GPM6B: variants seen among roughly 807,000 people sequenced by gnomAD.
The protein encoded by GPM6B is glycoprotein M6B, also known as neuronal membrane glycoprotein M6-b.
GPM6B carries 4 observed loss-of-function variants against 27.2 expected under a neutral mutation model. The ratio of observed to expected loss-of-function variants is 0.15; its 90% confidence interval spans 0.07 to 0.34. GPM6B has a LOEUF of 0.34. GPM6B is among the 10% of genes least tolerant of loss of function. The pLI, the probability that GPM6B is intolerant of heterozygous loss-of-function variation, is 1.00. For missense variants in GPM6B, 183 were observed against 261.9 expected, an observed-to-expected ratio of 0.70 and a Z score of 2.08; for synonymous variants, 124 against 103.1, an observed-to-expected ratio of 1.20 and a Z score of -1.23.
intron 1 of GPM6B, among the ~76,000 whole-genome samples, chrX:13,920,124 G>A (rs1160792090): frequency 1.8e-5 from 2 of 108,980 alleles, no homozygotes; most frequent in Non-Finnish European, 3.8e-5. Context: ...CTAGCCAGGC[G>A]TGGTGGCACG....
chrX:13,898,714 GTGTGCTC>G (rs1450526190), intron 1 of GPM6B, among the ~76,000 whole-genome samples: 7 of 112,236 alleles, frequency 6.2e-5, no homozygotes, highest in African/African-American at 2.3e-4. Context: ...TTGGTTTGAT[GTGTGCTC>G]TTTATTTCTT....
At chrX:13,824,209 T>A (rs1013437756) in intron 1 of GPM6B, among the ~76,000 whole-genome samples, 1 of 111,936 alleles carries the variant, frequency 8.9e-6, no homozygotes, top group Non-Finnish European at 1.9e-5. Context: ...CCTAAAATGT[T>A]TCTAAACACT....
chrX:13,929,918 T>C (rs1921400981), intron 1 of GPM6B, among the ~76,000 whole-genome samples: 2 of 111,809 alleles, frequency 1.8e-5, no homozygotes, highest in South Asian at 3.7e-4. Context: ...AAGAAGAAAA[T>C]AGAATTTAAC....
intron 1 of GPM6B, among the ~76,000 whole-genome samples, chrX:13,828,247 A>T (rs1288511683): frequency 2.7e-5 from 3 of 111,617 alleles, no homozygotes; most frequent in Non-Finnish European, 5.7e-5. Flanking sequence ...TTAAGAGGTG[A>T]TTGGGTCATG....
chrX:13,783,736 C>CT lies in GPM6B; in HGVS notation c.369-216dup, dbSNP rs780929044. The CT allele has an allele frequency of 1.7e-5, 8 of 459,596 alleles. No individual in the cohort carries two copies. The South Asian group carries it at 2.3e-4, about 13-fold the overall frequency. The allele number at this position is 459,596 out of a possible 1,213,427, so 37.9% of individuals were successfully genotyped here. ...CCTTCCAAGGTGGGAATGATGTTTC[C>CT]TTTGCTCAGGGCAGCATCCAGTTGT... is the stretch of plus-strand genomic sequence containing the variant. On this transcript the variant is annotated intron_variant, in intron 3 of 7. Coordinates refer to ENST00000316715, the MANE Select transcript of GPM6B (RefSeq NM_001001995.3).
At chrX:13,903,581 G>A (rs1228329131) in intron 1 of GPM6B, among the ~76,000 whole-genome samples, 1 of 111,723 alleles carries the variant, frequency 9.0e-6, no homozygotes, top group Non-Finnish European at 1.9e-5. Flanking sequence ...CTCCAATGCA[G>A]GGCCAGTCTC....
At chrX:13,938,421 AG>A, upstream of GPM6B, 1 of 385,642 alleles carries the variant, frequency 2.6e-6, no homozygotes, top group Non-Finnish European at 3.9e-6. Flanking sequence ...TGAGCGGGGG[AG>A]GGGCGGGACC....
chrX:13,801,478 C>T (rs944403572), intron 2 of GPM6B, among the ~76,000 whole-genome samples: 1 of 112,319 alleles, frequency 8.9e-6, no homozygotes, highest in Admixed American at 9.4e-5. Context: ...AATTCTAATT[C>T]AAGGATTGGC....
chrX:13,887,771 C>T (rs983317684), intron 1 of GPM6B, among the ~76,000 whole-genome samples: 1 of 111,806 alleles, frequency 8.9e-6, no homozygotes, highest in African/African-American at 3.3e-5. Flanking sequence ...TAGTCTCTCA[C>T]TAGGCTGCAC....
At chrX:13,937,071 G>C (rs375900188) in intron 1 of GPM6B, among the ~76,000 whole-genome samples, 161 of 111,955 alleles carry the variant, frequency 1.4e-3, no homozygotes, top group African/African-American at 4.9e-3. Flanking sequence ...TTGTGTATGA[G>C]CCTCATTTAA....
At chrX:13,787,238 TA>T (rs1030054928) in intron 2 of GPM6B, among the ~76,000 whole-genome samples, 1 of 110,909 alleles carries the variant, frequency 9.0e-6, no homozygotes, top group African/African-American at 3.3e-5. Flanking sequence ...CATTAGAAAA[TA>T]AAAAATATCA....
intron 1 of GPM6B, among the ~76,000 whole-genome samples, chrX:13,926,402 T>A (rs1921202450): frequency 1.0e-5 from 1 of 100,138 alleles, no homozygotes; most frequent in Non-Finnish European, 2.0e-5. Flanking sequence ...AGAGCGAGAC[T>A]CCATCTCAAA....
chrX:13,850,587 T>G (rs2049703642), intron 1 of GPM6B, among the ~76,000 whole-genome samples: 1 of 112,505 alleles, frequency 8.9e-6, no homozygotes, highest in African/African-American at 3.2e-5. Flanking sequence ...TGTAGCACAG[T>G]AGACAGAACA....
chrX:13,839,040 C>T (rs776911676), intron 1 of GPM6B, among the ~76,000 whole-genome samples: 39 of 111,614 alleles, frequency 3.5e-4, no homozygotes, highest in Non-Finnish European at 6.4e-4. Context: ...GATCTCAGAA[C>T]GGACCAAACA....
chrX:13,844,991 TC>T (rs201384726), intron 1 of GPM6B, among the ~76,000 whole-genome samples: 4 of 98,413 alleles, frequency 4.1e-5, no homozygotes, highest in Admixed American at 1.1e-4. Context: ...TTTTTCTTTT[TC>T]TTTTTTTTTT....
chrX:13,931,208 A>G (rs982259495), intron 1 of GPM6B, among the ~76,000 whole-genome samples: 2 of 108,861 alleles, frequency 1.8e-5, no homozygotes, highest in African/African-American at 3.3e-5. Context: ...AACAACAACA[A>G]CAACAAATCC....
chrX:13,878,946 C>T (rs1222497266), intron 1 of GPM6B, among the ~76,000 whole-genome samples: 2 of 112,058 alleles, frequency 1.8e-5, no homozygotes, highest in Non-Finnish European at 3.8e-5. Context: ...AATGGATTCT[C>T]CCCTAGGGCT....
At chrX:13,922,336 CAT>C (rs1164741415) in intron 1 of GPM6B, among the ~76,000 whole-genome samples, 1 of 111,784 alleles carries the variant, frequency 8.9e-6, no homozygotes, top group East Asian at 2.8e-4. Flanking sequence ...GGTCTCCAGA[CAT>C]TGCCAACTGT....
chrX:13,936,678 A>C (rs971208731), intron 1 of GPM6B, among the ~76,000 whole-genome samples: 1 of 112,446 alleles, frequency 8.9e-6, no homozygotes, highest in Admixed American at 9.4e-5. Context: ...GAACCAGTGA[A>C]GTATGCACAA....
Sources: allele counts gnomAD v4.1 joint callset (sites outside exome capture counted in the v4.1 genomes callset), GRCh38; gene constraint gnomAD v4.1.1; transcripts MANE v1.5; gene names NCBI Gene and HGNC (gene_info 2026-07-23, HGNC 2026-07-21).